IFNG-AS1: variants seen among roughly 807,000 people sequenced by gnomAD.
IFNG-AS1 encodes the protein IFNG antisense RNA 1 (non-protein coding).
At chr12:67,995,668 G>A (rs1418271749) in intron 1 of IFNG-AS1, among the ~76,000 whole-genome samples, 2 of 149,702 alleles carry the variant, frequency 1.3e-5, no homozygotes, top group African/African-American at 4.9e-5. Flanking sequence ...GTTGCAGTGA[G>A]CCAAGATTGC....
At chr12:68,002,687 A>T (rs1425652685) in intron 2 of IFNG-AS1, among the ~76,000 whole-genome samples, 1 of 152,176 alleles carries the variant, frequency 6.6e-6, no homozygotes, top group Non-Finnish European at 1.5e-5. Flanking sequence ...CATTACAAGG[A>T]TATCATTTCC....
chr12:68,018,756 T>A (rs897456129), intron 3 of IFNG-AS1, among the ~76,000 whole-genome samples: 8 of 148,484 alleles, frequency 5.4e-5, no homozygotes, highest in African/African-American at 2.0e-4. Context: ...ACTTTTTTTT[T>A]ATTTTGTTTT....
intron 2 of IFNG-AS1, among the ~76,000 whole-genome samples, chr12:67,999,467 A>G (rs1265517692): frequency 6.6e-6 from 1 of 152,242 alleles, no homozygotes; most frequent in Non-Finnish European, 1.5e-5. Flanking sequence ...GAAAAGAAGC[A>G]GTAAGAACAA....
At chr12:67,991,093 G>A (rs1592817283) in intron 1 of IFNG-AS1, among the ~76,000 whole-genome samples, 1 of 152,142 alleles carries the variant, frequency 6.6e-6, no homozygotes, top group East Asian at 1.9e-4. Context: ...ACAGTAAAAT[G>A]ATACCAGATA....
At chr12:68,005,130 C>T (rs1165765396) in intron 2 of IFNG-AS1, among the ~76,000 whole-genome samples, 3 of 152,194 alleles carry the variant, frequency 2.0e-5, no homozygotes, top group Non-Finnish European at 4.4e-5. Context: ...ATCCCTCTTG[C>T]ACCTAATTTT....
intron 1 of IFNG-AS1, among the ~76,000 whole-genome samples, chr12:67,990,554 T>C (rs1879483983): frequency 6.6e-6 from 1 of 152,160 alleles, no homozygotes; most frequent in African/African-American, 2.4e-5. Flanking sequence ...TAATCCTTTT[T>C]TAAAGGAAAC....
At chr12:68,004,604 T>C (rs1349250235) in intron 2 of IFNG-AS1, among the ~76,000 whole-genome samples, 1 of 152,216 alleles carries the variant, frequency 6.6e-6, no homozygotes, top group African/African-American at 2.4e-5. Flanking sequence ...TCTGACCATT[T>C]GCCCCTGGTT....
intron 1 of IFNG-AS1, among the ~76,000 whole-genome samples, chr12:67,994,798 C>T (rs1448216188): frequency 6.6e-6 from 1 of 152,160 alleles, no homozygotes; most frequent in Non-Finnish European, 1.5e-5. Context: ...AAGTGATCCA[C>T]CGCAGATTTA....
chr12:68,020,900 G>C (rs1880271839), intron 4 of IFNG-AS1: 1 of 152,154 alleles, frequency 6.6e-6, no homozygotes, highest in Non-Finnish European at 1.5e-5. Flanking sequence ...AAAGAACCAA[G>C]TCTGAGTAAT....
rs1879750072 is a variant in IFNG-AS1, at chr12:68,000,797, G to T, written n.184+4724G>T. On this transcript the variant is annotated intron_variant and non_coding_transcript_variant, in intron 2 of 5. Coordinates refer to ENST00000536914, the Ensembl canonical transcript of IFNG-AS1. Reference sequence around the variant, plus strand: ...CATTGTTTTATTTTTTTCTGCTATTGTTCATATTTTCAGAGGATATGACCT... The same window carrying T: ...CATTGTTTTATTTTTTTCTGCTATTTTTCATATTTTCAGAGGATATGACCT... Among the ~76,000 whole-genome samples, 4 of 151,678 alleles carry T rather than the reference G, an allele frequency of 2.6e-5. No homozygotes were observed. In the South Asian group the frequency reaches 8.3e-4, roughly 32 times the overall value.
intron 1 of IFNG-AS1, among the ~76,000 whole-genome samples, chr12:67,992,581 T>C (rs1482915019): frequency 6.6e-6 from 1 of 152,234 alleles, no homozygotes; most frequent in Admixed American, 6.5e-5. Flanking sequence ...CTTTTCAATT[T>C]GATAGGTATA....
chr12:68,017,223 G>C (rs144623149), intron 3 of IFNG-AS1, among the ~76,000 whole-genome samples: 1 of 152,310 alleles, frequency 6.6e-6, no homozygotes, highest in East Asian at 1.9e-4. Flanking sequence ...GGCAGGACAA[G>C]AGGAACGGTG....
chr12:68,019,576 G>A (rs1338975358), intron 3 of IFNG-AS1, among the ~76,000 whole-genome samples: 1 of 152,144 alleles, frequency 6.6e-6, no homozygotes, highest in African/African-American at 2.4e-5. Context: ...GAGGCCTGAA[G>A]GAGATAGTGT....
chr12:68,017,174 G>C (rs1436779401), intron 3 of IFNG-AS1, among the ~76,000 whole-genome samples: 2 of 152,178 alleles, frequency 1.3e-5, no homozygotes, highest in Non-Finnish European at 2.9e-5. Flanking sequence ...AGGTGGAAAA[G>C]AGCTTGTCAC....
intron 3 of IFNG-AS1, among the ~76,000 whole-genome samples, chr12:68,016,537 T>C (rs1163434809): frequency 6.6e-6 from 1 of 152,142 alleles, no homozygotes; most frequent in Admixed American, 6.5e-5. Flanking sequence ...CTTTACTTCA[T>C]TCCAAACATG....
At chr12:68,011,077 C>T (rs1368629119) in intron 3 of IFNG-AS1, among the ~76,000 whole-genome samples, 1 of 152,124 alleles carries the variant, frequency 6.6e-6, no homozygotes, top group African/African-American at 2.4e-5. Flanking sequence ...GGGCACAGTC[C>T]TCAGAGCTTT....
intron 3 of IFNG-AS1, among the ~76,000 whole-genome samples, chr12:68,011,383 T>C (rs1272269337): frequency 6.6e-6 from 1 of 152,192 alleles, no homozygotes; most frequent in African/African-American, 2.4e-5. Flanking sequence ...GTGCAGTCTT[T>C]CTTTTGTGGT....
intron 1 of IFNG-AS1, among the ~76,000 whole-genome samples, chr12:67,995,070 A>G (rs890999867): frequency 1.3e-5 from 2 of 152,342 alleles, no homozygotes; most frequent in African/African-American, 4.8e-5. Flanking sequence ...TACATGTGAT[A>G]CTTAGAAAAT....
rs984335600 is a variant in IFNG-AS1 at position 68,017,854 on chromosome 12, T to C, written n.242-2008T>C. Among the ~76,000 whole-genome samples, 9 of 152,138 alleles carry C rather than the reference T, an allele frequency of 5.9e-5. 1 individual carries two copies. Among genetic ancestry groups the C allele is most frequent in the Admixed American group, 1.3e-4 (2 of 15,268 alleles). On this transcript the variant is annotated intron_variant and non_coding_transcript_variant, in intron 3 of 5. Coordinates refer to ENST00000536914, the Ensembl canonical transcript of IFNG-AS1. Reference sequence around the variant, plus strand: ...CTGGCCATATCACTGGGAAAGTTAGTTTAATCATCTATAAAATGGAAATAA... The same window carrying C: ...CTGGCCATATCACTGGGAAAGTTAGCTTAATCATCTATAAAATGGAAATAA...
Sources: allele counts gnomAD v4.1 joint callset (sites outside exome capture counted in the v4.1 genomes callset), GRCh38; gene constraint gnomAD v4.1.1; transcripts MANE v1.5; gene names NCBI Gene and HGNC (gene_info 2026-07-23, HGNC 2026-07-21).